Variants in GOLM2 observed in about 807,000 individuals in gnomAD.
GOLM2 encodes protein GOLM2.
In GOLM2, 26 loss-of-function variants were observed where a neutral mutation model predicts 55.9. The ratio of observed to expected loss-of-function variants is 0.47; its 90% CI spans 0.34 to 0.65. The LOEUF is 0.65. Ranked by LOEUF, GOLM2 falls within the 30% of genes least tolerant of loss-of-function variation. The probability of loss-of-function intolerance (pLI) is 0.01; values close to 1 mark genes in which losing one functional copy is unlikely to be tolerated. For synonymous variants in GOLM2, 165 were observed against 194.6 expected, an observed-to-expected ratio of 0.85 and a Z score of 1.27; for missense variants, 486 against 531.8, an observed-to-expected ratio of 0.91 and a Z score of 0.85.
At chr15:44,408,196 AG>A (rs2079610783) in intron 9 of GOLM2, among the ~76,000 whole-genome samples, 1 of 152,232 alleles carries the variant, frequency 6.6e-6, no homozygotes, top group Non-Finnish European at 1.5e-5. Flanking sequence ...GCTTCCTAAA[AG>A]GAACTAAAAT....
At chr15:44,321,412 AG>A (rs939511700) in intron 1 of GOLM2, among the ~76,000 whole-genome samples, 2 of 131,388 alleles carry the variant, frequency 1.5e-5, no homozygotes, top group Non-Finnish European at 3.1e-5. Context: ...TGGAGACTGC[AG>A]GGAGCTGTTT....
chr15:44,338,464 G>T (rs1040358256), intron 6 of GOLM2, 147 bp downstream of exon 6: 1 of 615,270 alleles, frequency 1.6e-6, no homozygotes. Flanking sequence ...TAATTGCCAG[G>T]ACTTTTTTTG....
chr15:44,370,027 C>T (rs1012881161), intron 6 of GOLM2, among the ~76,000 whole-genome samples: 1 of 152,070 alleles, frequency 6.6e-6, no homozygotes, highest in African/African-American at 2.4e-5. Flanking sequence ...AGGAAGCATC[C>T]AGCACGAGAG....
intron 1 of GOLM2, 90 bp from the exon 2 acceptor site, chr15:44,322,875 A>G (rs1223099815): frequency 1.2e-6 from 1 of 824,194 alleles, no homozygotes; most frequent in Non-Finnish European, 1.9e-6. Context: ...TTTTGTTTGC[A>G]TTTATGATCA....
At chr15:44,397,486 A>C (rs1399508742) in intron 8 of GOLM2, among the ~76,000 whole-genome samples, 6 of 148,210 alleles carry the variant, frequency 4.0e-5, no homozygotes, top group Non-Finnish European at 7.4e-5. Flanking sequence ...CTCAAAAAAA[A>C]AAAAAAAAAA....
chr15:44,384,397 G>C (rs759819914), intron 8 of GOLM2, among the ~76,000 whole-genome samples: 7 of 152,102 alleles, frequency 4.6e-5, no homozygotes, highest in African/African-American at 1.4e-4. Flanking sequence ...TGGATCACAA[G>C]GTCAGGAGAT....
intron 6 of GOLM2, among the ~76,000 whole-genome samples, chr15:44,341,072 C>T (rs1362753121): frequency 6.8e-6 from 1 of 146,734 alleles, no homozygotes; most frequent in Non-Finnish European, 1.5e-5. Flanking sequence ...TTTCCACATA[C>T]TTTTCTCTTT....
At chr15:44,383,385 A>C (rs931741160) in intron 8 of GOLM2, among the ~76,000 whole-genome samples, 3 of 152,110 alleles carry the variant, frequency 2.0e-5, no homozygotes, top group Non-Finnish European at 2.9e-5. Flanking sequence ...AAATAGTGTC[A>C]GATTGTTCTC....
At position 44,289,089 on chromosome 15, in the gene GOLM2, G is replaced by A. The variant is rs539184147; in HGVS notation, c.60G>A (p.Val20=). 6.2e-7 allele frequency: 1 copy of A among 1,614,124 alleles called. No homozygotes were observed. Among genetic ancestry groups the A allele is most frequent in the East Asian group, 2.2e-5 (1 of 44,878 alleles). The change falls in exon 1 of 10, where the codon GTG becomes GTA. Residue 20 remains valine, a synonymous_variant. Coordinates refer to ENST00000299957, the MANE Select transcript of GOLM2 (RefSeq NM_138423.4). This position sits in a 1 kb window ranked among gnomAD's most constrained non-coding sequence, Gnocchi z 4.8. ...AGRLPSLVLV[V]LLVVIVVLAF... is the part of the protein sequence containing the mutation. ...GCCTGCCCTCTCTCGTGCTGGTGGTGCTGCTGGTGGTGATCGTCGTCCTCG... is the reference window on the plus strand; with the variant it reads ...GCCTGCCCTCTCTCGTGCTGGTGGTACTGCTGGTGGTGATCGTCGTCCTCG...
chr15:44,347,420 G>T (rs1023060035), intron 6 of GOLM2, among the ~76,000 whole-genome samples: 1 of 152,174 alleles, frequency 6.6e-6, no homozygotes, highest in Non-Finnish European at 1.5e-5. Context: ...AGGAGTGAGA[G>T]TGCAGTAATT....
At chr15:44,371,339 T>C (rs868612972) in intron 6 of GOLM2, among the ~76,000 whole-genome samples, 3 of 152,330 alleles carry the variant, frequency 2.0e-5, no homozygotes, top group Non-Finnish European at 2.9e-5. Flanking sequence ...CCAATACTGG[T>C]TAGTATGTCA....
chr15:44,369,077 A>T (rs1171846177), intron 6 of GOLM2, among the ~76,000 whole-genome samples: 1 of 58,612 alleles, frequency 1.7e-5, no homozygotes, highest in Non-Finnish European at 3.4e-5. Flanking sequence ...TTATATATAT[A>T]TATATATATA....
intron 2 of GOLM2, 145 bp from the exon 3 acceptor site, chr15:44,328,540 T>A: frequency 1.8e-6 from 1 of 553,896 alleles, no homozygotes; most frequent in Non-Finnish European, 3.2e-6. Flanking sequence ...TTAAATGTGG[T>A]GTTTGTTATA....
intron 6 of GOLM2, among the ~76,000 whole-genome samples, chr15:44,340,355 A>G (rs1192878110): frequency 6.6e-6 from 1 of 151,882 alleles, no homozygotes; most frequent in Admixed American, 6.6e-5. Context: ...GGTGGCCTCA[A>G]ACTCCTAGGC....
intron 6 of GOLM2, among the ~76,000 whole-genome samples, chr15:44,342,389 G>A (rs543475697): frequency 2.6e-5 from 4 of 152,022 alleles, no homozygotes; most frequent in South Asian, 2.1e-4. Flanking sequence ...ATCGGCTCCC[G>A]AGTAGCTGGG....
intron 1 of GOLM2, among the ~76,000 whole-genome samples, chr15:44,298,834 G>T (rs1156559582): frequency 6.6e-6 from 1 of 152,088 alleles, no homozygotes; most frequent in Non-Finnish European, 1.5e-5. Flanking sequence ...TGTTATCTTA[G>T]TTTGGGAATA....
At chr15:44,380,471 G>T (rs1368499070) in intron 7 of GOLM2, among the ~76,000 whole-genome samples, 1 of 152,076 alleles carries the variant, frequency 6.6e-6, no homozygotes, top group African/African-American at 2.4e-5. Context: ...TTCTGATAGT[G>T]ATATGGAATT....
chr15:44,291,780 A>G (rs1268865801), intron 1 of GOLM2, among the ~76,000 whole-genome samples: 4 of 152,222 alleles, frequency 2.6e-5, no homozygotes, highest in Non-Finnish European at 5.9e-5. Flanking sequence ...CCATAAGAGC[A>G]GTATTCCCCA....
chr15:44,334,991 A>G (rs902049999), intron 4 of GOLM2, among the ~76,000 whole-genome samples: 7 of 152,220 alleles, frequency 4.6e-5, no homozygotes, highest in Non-Finnish European at 5.9e-5. Flanking sequence ...GTACTGCACC[A>G]CTGCACTCCA....
Sources: gnomAD v4.1 joint callset for allele counts (sites outside exome capture counted in the v4.1 genomes callset) on GRCh38, gnomAD v4.1.1 for gene constraint, Gnocchi (gnomAD v3.1) non-coding constraint, MANE v1.5 for transcripts, NCBI Gene and HGNC (gene_info 2026-07-23, HGNC 2026-07-21) for gene names.